Variants in DLGAP2 observed in about 807,000 individuals in gnomAD.
DLGAP2 encodes DLG associated protein 2, also known as disks large-associated protein 2.
DLGAP2 carries 26 observed loss-of-function variants against 100.3 expected under a neutral mutation model. The ratio of observed to expected loss-of-function variants is 0.26; its 90% CI spans 0.19 to 0.36. The LOEUF (loss-of-function observed/expected upper bound fraction) is 0.36, where lower values mean the gene tolerates loss of function less well. Among genes scored for constraint, DLGAP2 ranks in the 10% least tolerant of loss-of-function variants. The pLI is 1.00. For synonymous variants in DLGAP2, 886 were observed against 630.1 expected, an observed-to-expected ratio of 1.41 and a Z score of -6.08; for missense variants, 1,858 against 1,453.2, an observed-to-expected ratio of 1.28 and a Z score of -4.53.
intron 1 of DLGAP2, among the ~76,000 whole-genome samples, chr8:840,840 C>T (rs1334201235): frequency 3.9e-5 from 6 of 152,264 alleles, no homozygotes; most frequent in African/African-American, 1.4e-4. Context: ...CTACATGGGG[C>T]ACATCGTGCA....
At chr8:1,506,556 G>A (rs1006992838) in intron 4 of DLGAP2, among the ~76,000 whole-genome samples, 1 of 152,202 alleles carries the variant, frequency 6.6e-6, no homozygotes, top group African/African-American at 2.4e-5. Context: ...GCAAGATTTA[G>A]TGCATACAGC....
In DLGAP2 at chr8:1,331,255, C is replaced by T. The variant is rs551119919; in HGVS notation, c.106+72372C>T. Among the ~76,000 whole-genome samples, 159 of 152,242 alleles carry T rather than the reference C, an allele frequency of 1.0e-3. 1 individual carries two copies. The highest frequency in any genetic ancestry group is 3.7e-3 in the African/African-American group (153 of 41,542). On this transcript the variant is annotated intron_variant, in intron 3 of 14. Coordinates refer to ENST00000637795, the MANE Select transcript of DLGAP2 (RefSeq NM_001346810.2). ...CCATACTGTGTGCCATAACTAAGGC[C>T]GCAAATTCCTTCAGAGGTCCTGGAA...
At chr8:1,435,499 C>A (rs1316777759) in intron 3 of DLGAP2, among the ~76,000 whole-genome samples, 1 of 152,114 alleles carries the variant, frequency 6.6e-6, no homozygotes, top group Non-Finnish European at 1.5e-5. Context: ...TAGAGAAACC[C>A]CCTGTGCAGC....
chr8:775,050 G>A (rs559311171), intron 1 of DLGAP2, among the ~76,000 whole-genome samples: 3 of 152,240 alleles, frequency 2.0e-5, no homozygotes, highest in South Asian at 2.1e-4. Flanking sequence ...AGTTCTCCTC[G>A]AAGAGGTCCT....
rs1187724263 is a variant in DLGAP2 at position 1,549,366 on chromosome 8, A to G, written c.913A>G (p.Ser305Gly). ...GTGGAGCTCGGACGACAACCTGGAC[A>G]GCGACAGCACCTATCGGACGCCCAG... ...SWWSSDDNLD[S>G]DSTYRTPSVL... is the part of the protein sequence containing the mutation. The change falls in exon 5 of 15, where the codon AGC becomes GGC. Residue 305 changes from serine to glycine, a missense_variant. Coordinates refer to ENST00000637795, the MANE Select transcript of DLGAP2 (RefSeq NM_001346810.2). The G allele has an allele frequency of 6.2e-7, 1 of 1,613,460 alleles. No individual in the cohort carries two copies. The highest frequency in any genetic ancestry group is 1.1e-5 in the South Asian group (1 of 91,074).
chr8:1,416,703 G>T (rs951502719), intron 3 of DLGAP2, among the ~76,000 whole-genome samples: 1 of 152,134 alleles, frequency 6.6e-6, no homozygotes, highest in African/African-American at 2.4e-5. Flanking sequence ...CACTTAATAA[G>T]TAAAACAAGG....
intron 3 of DLGAP2, 91 bp downstream of exon 3, chr8:1,258,974 G>C: frequency 9.1e-7 from 1 of 1,101,960 alleles, no homozygotes; most frequent in Non-Finnish European, 1.2e-6. Context: ...ACGTGTTGGA[G>C]AGAACCTTGA....
At chr8:1,608,974 T>C (rs959620598) in intron 6 of DLGAP2, among the ~76,000 whole-genome samples, 3 of 151,734 alleles carry the variant, frequency 2.0e-5, no homozygotes, top group African/African-American at 4.8e-5. Flanking sequence ...CTACAGGATA[T>C]TATCCAGGAG....
intron 1 of DLGAP2, among the ~76,000 whole-genome samples, chr8:877,473 C>A (rs1431692283): frequency 6.6e-6 from 1 of 152,234 alleles, no homozygotes; most frequent in African/African-American, 2.4e-5. Context: ...AGGCTTTCTT[C>A]CTCTCTGTCC....
In DLGAP2 at chr8:923,566, CAG is replaced by C. The variant is rs368826034; in HGVS notation, c.73+15601_73+15602del. ...GTTAGGATATTCGCTAAGAAGGAAA[CAG>C]GGGGTGACGTTTAAGTGTATCTTTT... On this transcript the variant is annotated intron_variant, in intron 2 of 14. Transcript: ENST00000637795. 2.0e-3 allele frequency among the ~76,000 whole-genome samples: 305 copies of C among 152,284 alleles called. 1 individual carries two copies. Among genetic ancestry groups the C allele is most frequent in the African/African-American group, 5.7e-3 (236 of 41,560 alleles).
chr8:1,701,356 C>T lies in DLGAP2; in HGVS notation c.3118C>T (p.Arg1040Cys), dbSNP rs1195272357. Reference sequence around the variant, plus strand: ...CTTCCGGCAGAATTCCGCCTCCGAGCGCGCGGACAGCATCGAGATCTACAT... The same window carrying T: ...CTTCCGGCAGAATTCCGCCTCCGAGTGCGCGGACAGCATCGAGATCTACAT... ...ASFRQNSASE[R>C]ADSIEIYIPE... Residue 1040 changes from arginine to cysteine, a missense_variant, in exon 15 of 15, where the codon CGC becomes TGC. Transcript: ENST00000637795. 1.9e-6 allele frequency: 3 copies of T among 1,593,420 alleles called. No homozygotes were observed. Among genetic ancestry groups the T allele is most frequent in the African/African-American group, 2.7e-5 (2 of 73,670 alleles).
Position 1,314,262 on chromosome 8 carries a change from T to C in DLGAP2, c.106+55379T>C, listed in dbSNP as rs75258909. Among the ~76,000 whole-genome samples the C allele has an allele frequency of 2.4e-3, 363 of 152,330 alleles. 5 individuals are homozygous for C. Among genetic ancestry groups the C allele is most frequent in the African/African-American group, 8.1e-3 (338 of 41,572 alleles). The stretch of plus-strand genomic sequence containing the variant: ...TTACTGTTGAGTTAGACACGTGAAA[T>C]ACTTTTGGTCACTGACCCTTATAAA... On this transcript the variant is annotated intron_variant, in intron 3 of 14. Transcript: ENST00000637795.
At chr8:1,178,412 TG>T (rs1216039179) in intron 2 of DLGAP2, among the ~76,000 whole-genome samples, 2 of 152,164 alleles carry the variant, frequency 1.3e-5, no homozygotes, top group African/African-American at 4.8e-5. Context: ...TTAATGGATT[TG>T]GGGGTTGGTG....
intron 6 of DLGAP2, among the ~76,000 whole-genome samples, chr8:1,574,253 G>C (rs906619582): frequency 3.3e-5 from 5 of 152,114 alleles, no homozygotes; most frequent in African/African-American, 9.7e-5. Context: ...AGATTTTAGT[G>C]TATGGGGGGT....
chr8:1,293,660 T>C (rs1181873513), intron 3 of DLGAP2, among the ~76,000 whole-genome samples: 1 of 152,216 alleles, frequency 6.6e-6, no homozygotes, highest in South Asian at 2.1e-4. Context: ...GCCTGCTGTC[T>C]CTAGAATTTC....
intron 2 of DLGAP2, among the ~76,000 whole-genome samples, chr8:947,396 C>T (rs1799354752): frequency 6.6e-6 from 1 of 152,246 alleles, no homozygotes; most frequent in Non-Finnish European, 1.5e-5. Context: ...GAAGGATTTT[C>T]ATGTTGCGCT....
At position 1,521,264 on chromosome 8, in the gene DLGAP2, T is replaced by TC. The variant is rs554933945; in HGVS notation, c.172+19833_172+19834insC. On this transcript the variant is annotated intron_variant, in intron 4 of 14. Coordinates refer to ENST00000637795, the MANE Select transcript of DLGAP2 (RefSeq NM_001346810.2). ...GCACACTTGTTTTAATTTGGAATAC[T>TC]TGGGGGCAGGTGATATGGGGCATCT... Among the ~76,000 whole-genome samples, 3 of 85,620 alleles carry TC rather than the reference T, an allele frequency of 3.5e-5. 1 individual carries two copies. Among genetic ancestry groups the TC allele is most frequent in the Non-Finnish European group, 5.0e-5 (2 of 40,066 alleles). The allele number at this position is 85,620 out of a possible 152,430, so 56.2% of individuals were successfully genotyped here.
intron 3 of DLGAP2, among the ~76,000 whole-genome samples, chr8:1,372,787 C>T (rs1374267172): frequency 6.6e-6 from 1 of 152,152 alleles, no homozygotes; most frequent in African/African-American, 2.4e-5. Context: ...GCAATAGAGG[C>T]AGTATATTTT....
intron 2 of DLGAP2, among the ~76,000 whole-genome samples, chr8:1,017,495 A>G (rs1223307932): frequency 2.0e-5 from 2 of 101,218 alleles, no homozygotes; most frequent in Non-Finnish European, 3.8e-5. Context: ...CGGCGCCTCC[A>G]CTGTGTGTGT....
Sources: allele counts gnomAD v4.1 joint callset (sites outside exome capture counted in the v4.1 genomes callset), GRCh38; gene constraint gnomAD v4.1.1; transcripts MANE v1.5; gene names NCBI Gene and HGNC (gene_info 2026-07-23, HGNC 2026-07-21).